The following RFC3 variants were observed in gnomAD, a reference collection of about 807,000 sequenced individuals.
RFC3 encodes the protein A1 38 kDa subunit.
In RFC3, 41 loss-of-function variants were observed where a neutral mutation model predicts 45.1. That is an observed-to-expected ratio of 0.91 (90% CI 0.71 to 1.18). RFC3 has a LOEUF of 1.18. Ranked by LOEUF, RFC3 falls within the 50% of genes most tolerant of loss-of-function variation. The pLI, the probability that RFC3 is intolerant of heterozygous loss-of-function variation, is 0.00. For synonymous variants in RFC3, 149 were observed against 144.0 expected (o/e 1.03, Z -0.25); for missense variants, 423 against 428.1 (o/e 0.99, Z 0.10).
At chr13:33,872,155 G>A (rs2082414217) in intron 8 of RFC3, among the ~76,000 whole-genome samples, 1 of 152,160 alleles carries the variant, frequency 6.6e-6, no homozygotes, top group Non-Finnish European at 1.5e-5. Context: ...GGCAGAGTGT[G>A]TGGTAATGAA....
chr13:33,842,377 A>G (rs2082205904), downstream of RFC3, among the ~76,000 whole-genome samples: 1 of 152,158 alleles, frequency 6.6e-6, no homozygotes, highest in African/African-American at 2.4e-5. Flanking sequence ...CTAATCTTCC[A>G]CCATCCTACT....
chr13:33,960,730 C>T (rs1036830914), intron 8 of RFC3, among the ~76,000 whole-genome samples: 1 of 152,196 alleles, frequency 6.6e-6, no homozygotes, highest in African/African-American at 2.4e-5. Flanking sequence ...AATTCACACA[C>T]CCTTATTTCT....
chr13:33,874,967 A>G (rs2082436906), intron 8 of RFC3, among the ~76,000 whole-genome samples: 1 of 152,218 alleles, frequency 6.6e-6, no homozygotes, highest in African/African-American at 2.4e-5. Flanking sequence ...TGCATGGAGT[A>G]AGGATCTTGA....
chr13:33,887,985 G>T lies in RFC3; in HGVS notation c.879+52768G>T, dbSNP rs528328874. ...AGGGCTCTGTTCTGTTCCATTGATC[G>T]ACATCTCTGTTTTGGTACCAGTACC... is the stretch of plus-strand genomic sequence containing the variant. On this transcript the variant is annotated intron_variant, in intron 8 of 8. Coordinates refer to the RFC3 transcript ENST00000434425. Among the ~76,000 whole-genome samples the T allele has an allele frequency of 7.9e-3, 1,200 of 152,068 alleles. 17 individuals are homozygous for T. The highest frequency in any genetic ancestry group is 0.027 in the African/African-American group (1,125 of 41,448).
At chr13:33,818,536 A>G (rs1414761253) in intron 1 of RFC3, among the ~76,000 whole-genome samples, 1 of 152,270 alleles carries the variant, frequency 6.6e-6, no homozygotes, top group Non-Finnish European at 1.5e-5. Context: ...GGAACAGGTA[A>G]GAGGGGACAG....
At chr13:33,845,388 T>C (rs950296606) in intron 8 of RFC3, among the ~76,000 whole-genome samples, 3 of 152,230 alleles carry the variant, frequency 2.0e-5, no homozygotes, top group African/African-American at 4.8e-5. Flanking sequence ...CTCTACCTTT[T>C]CTTTAAGGCC....
At chr13:33,874,646 A>T (rs1331428585) in intron 8 of RFC3, among the ~76,000 whole-genome samples, 1 of 152,200 alleles carries the variant, frequency 6.6e-6, no homozygotes, top group African/African-American at 2.4e-5. Flanking sequence ...TCTCCAAACT[A>T]TCTGCTTTCT....
At chr13:33,912,647 G>A (rs1014264834) in intron 8 of RFC3, among the ~76,000 whole-genome samples, 3 of 152,008 alleles carry the variant, frequency 2.0e-5, no homozygotes, top group Non-Finnish European at 4.4e-5. Flanking sequence ...TATAGAAGCC[G>A]GATATGAAGG....
At chr13:33,827,935 A>G (rs1436579442) in intron 4 of RFC3, among the ~76,000 whole-genome samples, 1 of 152,122 alleles carries the variant, frequency 6.6e-6, no homozygotes, top group Non-Finnish European at 1.5e-5. Flanking sequence ...GTGATAAAAA[A>G]TATATGACAC....
At chr13:33,868,202 G>T (rs970763205) in intron 8 of RFC3, among the ~76,000 whole-genome samples, 1 of 152,160 alleles carries the variant, frequency 6.6e-6, no homozygotes, top group Admixed American at 6.5e-5. Context: ...ATCAGCTATT[G>T]TTCGGAAAGT....
intron 8 of RFC3, among the ~76,000 whole-genome samples, chr13:33,919,834 G>A (rs2082756646): frequency 6.6e-6 from 1 of 152,086 alleles, no homozygotes; most frequent in Admixed American, 6.6e-5. Flanking sequence ...AAGCCTCTGA[G>A]TCTAAATGGT....
At chr13:33,933,204 C>T (rs371282896) in intron 8 of RFC3, among the ~76,000 whole-genome samples, 4 of 152,106 alleles carry the variant, frequency 2.6e-5, no homozygotes, top group South Asian at 2.1e-4. Flanking sequence ...TTGCTAATGC[C>T]GAGCTGATGA....
chr13:33,894,162 G>A (rs1369108213), intron 8 of RFC3, among the ~76,000 whole-genome samples: 1 of 152,284 alleles, frequency 6.6e-6, no homozygotes, highest in East Asian at 1.9e-4. Context: ...TGAGCCAGGT[G>A]AAAAACTGTA....
At chr13:33,833,605 A>G (rs190910332) in intron 7 of RFC3, among the ~76,000 whole-genome samples, 1 of 152,158 alleles carries the variant, frequency 6.6e-6, no homozygotes, top group Admixed American at 6.5e-5. Flanking sequence ...GCATGTTAAC[A>G]TGTATGCACT....
intron 8 of RFC3, among the ~76,000 whole-genome samples, chr13:33,915,667 G>A (rs1323082846): frequency 1.3e-5 from 2 of 152,028 alleles, no homozygotes; most frequent in Non-Finnish European, 2.9e-5. Context: ...AGAGATGGAA[G>A]TCTGTGCTGG....
chr13:33,825,715 TAAG>T lies in RFC3; in HGVS notation c.294-71_294-69del, dbSNP rs1365975798. The T allele has an allele frequency of 5.1e-6, 4 of 777,646 alleles. No homozygotes were observed. In the African/African-American group the frequency reaches 7.3e-5, roughly 14 times the overall value. The allele number at this position is 777,646 out of a possible 1,614,324, so 48.2% of individuals were successfully genotyped here. On this transcript the variant is annotated intron_variant, in intron 3 of 8. Coordinates refer to ENST00000380071, the MANE Select transcript of RFC3 (RefSeq NM_002915.4). ...AATTTTGATTAAAATTTTGACCACT[TAAG>T]AACTTCACCATTTTTCTTATAATAA...
At position 33,963,469 on chromosome 13, in the gene RFC3, T is replaced by G. The variant is rs1218657506; in HGVS notation, c.880-2618T>G. ...TACCTAAACAGTAAGATACTGTAGT[T>G]GCTGAGAATCACGCTCTGCAGTGAG... is the stretch of plus-strand genomic sequence containing the variant. On this transcript the variant is annotated intron_variant, in intron 8 of 8. Transcript: ENST00000434425. Among the ~76,000 whole-genome samples the G allele has an allele frequency of 2.6e-5, 4 of 152,246 alleles. No individual in the cohort carries two copies. The East Asian group carries it at 7.7e-4, about 29-fold the overall frequency.
At chr13:33,820,791 T>C (rs1487464248) in intron 1 of RFC3, among the ~76,000 whole-genome samples, 2 of 152,084 alleles carry the variant, frequency 1.3e-5, no homozygotes, top group African/African-American at 4.8e-5. Context: ...GAGATTCTGA[T>C]AGTCAGGTTT....
Position 33,830,840 on chromosome 13 carries a change from C to G in RFC3, c.695C>G (p.Ala232Gly). ...AGAAAAGCCCTGCTTATGTGTGAAGCCTGCAGAGTGCAACAGTGAGTGGAA... is the reference window on the plus strand; with the variant it reads ...AGAAAAGCCCTGCTTATGTGTGAAGGCTGCAGAGTGCAACAGTGAGTGGAA... ...NLRKALLMCE[A>G]CRVQQYPFTA... Residue 232 changes from alanine to glycine, a missense_variant, in exon 6 of 9, where the codon GCC (alanine) becomes GGC (glycine). Coordinates refer to ENST00000380071, the MANE Select transcript of RFC3 (RefSeq NM_002915.4). 7.4e-6 allele frequency: 12 copies of G among 1,613,324 alleles called. No homozygotes were observed. The highest frequency in any genetic ancestry group is 1.0e-5 in the Non-Finnish European group (12 of 1,179,742).
Sources: gnomAD v4.1 joint callset for allele counts (sites outside exome capture counted in the v4.1 genomes callset) on GRCh38, gnomAD v4.1.1 for gene constraint, MANE v1.5 for transcripts, NCBI Gene and HGNC (gene_info 2026-07-23, HGNC 2026-07-21) for gene names.